Variants in SYN3 observed in about 807,000 individuals in gnomAD.
SYN3 encodes synapsin III.
Under a neutral mutation model 65.8 loss-of-function variants are expected in SYN3, and 35 were observed. The ratio of observed to expected loss-of-function variants is 0.53; its 90% CI spans 0.41 to 0.70. SYN3 has a LOEUF of 0.70. Among genes scored for constraint, SYN3 ranks in the 30% least tolerant of loss-of-function variants. The pLI is 0.00. For synonymous variants in SYN3, 270 were observed against 292.9 expected (o/e 0.92, Z 0.80); for missense variants, 680 against 749.0 (o/e 0.91, Z 1.08).
At chr22:32,956,980 G>A (rs1485333447) in intron 3 of SYN3, among the ~76,000 whole-genome samples, 1 of 152,174 alleles carries the variant, frequency 6.6e-6, no homozygotes, top group African/African-American at 2.4e-5. Context: ...GAGCAAGACA[G>A]CCCGTGTGGA....
intron 6 of SYN3, among the ~76,000 whole-genome samples, chr22:32,781,064 C>T (rs1342396443): frequency 1.5e-4 from 4 of 26,596 alleles, no homozygotes; most frequent in South Asian, 2.2e-3. Context: ...TCCCTCCCTT[C>T]CTCCCTCCCT....
intron 6 of SYN3, among the ~76,000 whole-genome samples, chr22:32,809,362 G>A (rs865808879): frequency 2.0e-4 from 30 of 152,230 alleles, no homozygotes; most frequent in South Asian, 6.2e-4. Context: ...TGGGGTCCCC[G>A]TCAGTCTGCT....
chr22:32,806,742 T>C (rs1389522758), intron 6 of SYN3, among the ~76,000 whole-genome samples: 1 of 152,214 alleles, frequency 6.6e-6, no homozygotes, highest in Non-Finnish European at 1.5e-5. Flanking sequence ...TGTATGTATC[T>C]CTCTGTATAT....
At chr22:32,514,320 A>G (rs1281005405) in intron 13 of SYN3, 3 of 152,682 alleles carry the variant, frequency 2.0e-5, no homozygotes, top group Non-Finnish European at 4.4e-5. Flanking sequence ...TTGGGCAAGG[A>G]ACTTACCTTC....
intron 7 of SYN3, among the ~76,000 whole-genome samples, chr22:32,596,289 G>A (rs994981521): frequency 2.6e-5 from 4 of 152,126 alleles, no homozygotes; most frequent in Admixed American, 6.5e-5. Context: ...TTAGAGCAGC[G>A]TGAGAATGGA....
At chr22:32,941,079 T>G (rs892951645) in intron 3 of SYN3, among the ~76,000 whole-genome samples, 1 of 152,054 alleles carries the variant, frequency 6.6e-6, no homozygotes, top group African/African-American at 2.4e-5. Flanking sequence ...CTCAAAGACC[T>G]CCTCAACGAA....
chr22:32,613,204 TTTAA>T (rs1186454727), intron 6 of SYN3, among the ~76,000 whole-genome samples: 4 of 152,040 alleles, frequency 2.6e-5, no homozygotes, highest in Admixed American at 2.6e-4. Flanking sequence ...ATTAAAAAAT[TTTAA>T]TTAATTTTTT....
intron 1 of SYN3, among the ~76,000 whole-genome samples, chr22:33,032,488 G>C (rs1254414129): frequency 6.6e-6 from 1 of 151,026 alleles, no homozygotes; most frequent in Non-Finnish European, 1.5e-5. Context: ...CTGGGTGACA[G>C]AGCAAGACTC....
At chr22:32,746,630 G>T (rs1200370085) in intron 6 of SYN3, among the ~76,000 whole-genome samples, 2 of 152,146 alleles carry the variant, frequency 1.3e-5, no homozygotes, top group Non-Finnish European at 2.9e-5. Context: ...TCCAGCACAG[G>T]TACAGTGTCT....
At chr22:32,904,873 G>A (rs751335947) in intron 4 of SYN3, among the ~76,000 whole-genome samples, 1 of 152,136 alleles carries the variant, frequency 6.6e-6, no homozygotes, top group Non-Finnish European at 1.5e-5. Flanking sequence ...GTGTTGTAAG[G>A]CATTCTTTGC....
intron 6 of SYN3, among the ~76,000 whole-genome samples, chr22:32,646,554 T>G (rs903003601): frequency 2.0e-5 from 3 of 152,280 alleles, no homozygotes; most frequent in East Asian, 1.9e-4. Context: ...GATCTTTTTT[T>G]GGGGTAATAG....
chr22:32,986,287 C>T (rs753527340), intron 2 of SYN3, among the ~76,000 whole-genome samples: 3 of 152,180 alleles, frequency 2.0e-5, no homozygotes, highest in South Asian at 2.1e-4. Flanking sequence ...GGCCAACCTT[C>T]GCAACTGGCA....
At chr22:33,018,319 C>T (rs765796788) in intron 1 of SYN3, among the ~76,000 whole-genome samples, 9 of 152,210 alleles carry the variant, frequency 5.9e-5, no homozygotes, top group Middle Eastern at 3.4e-3. Context: ...AGACAAGGTG[C>T]GGATGAGAGG....
chr22:32,841,381 G>A lies in SYN3; in HGVS notation c.711+23534C>T, dbSNP rs148190500. Among the ~76,000 whole-genome samples the A allele has an allele frequency of 4.6e-5, 7 of 152,280 alleles. No individual in the cohort carries two copies. In the East Asian group the frequency reaches 1.4e-3, roughly 30 times the overall value. On this transcript the variant is annotated intron_variant, in intron 6 of 13. Transcript: ENST00000358763. Reference sequence around the variant, plus strand: ...GGAATGTGCATGGATCAGGATCAGGGAAGGTCCCCCGCCCAAGTGAAGAAA... The same window carrying A: ...GGAATGTGCATGGATCAGGATCAGGAAAGGTCCCCCGCCCAAGTGAAGAAA...
At chr22:32,911,118 T>A (rs2050039899) in intron 4 of SYN3, among the ~76,000 whole-genome samples, 1 of 152,210 alleles carries the variant, frequency 6.6e-6, no homozygotes, top group Non-Finnish European at 1.5e-5. Flanking sequence ...TTGCTAATGA[T>A]GACTATAGTG....
chr22:32,736,164 C>G (rs1388160372), intron 6 of SYN3, among the ~76,000 whole-genome samples: 1 of 152,222 alleles, frequency 6.6e-6, no homozygotes, highest in East Asian at 1.9e-4. Context: ...ACATGAAATA[C>G]TAATGGACTA....
intron 6 of SYN3, among the ~76,000 whole-genome samples, chr22:32,617,166 G>A (rs16990851): frequency 0.095 from 14,462 of 152,208 alleles, 1,522 homozygotes; most frequent in African/African-American, 0.26. Flanking sequence ...CTTGTTAAAC[G>A]TGCACATTAA....
At chr22:32,559,370 TTAGAG>T (rs1358161749) in intron 7 of SYN3, among the ~76,000 whole-genome samples, 2 of 152,140 alleles carry the variant, frequency 1.3e-5, no homozygotes, top group Non-Finnish European at 2.9e-5. Flanking sequence ...AGTGCTACTG[TTAGAG>T]TAGCTAGTCA....
chr22:33,022,356 A>G (rs1282832063), intron 1 of SYN3, among the ~76,000 whole-genome samples: 1 of 152,268 alleles, frequency 6.6e-6, no homozygotes, highest in Admixed American at 6.5e-5. Context: ...GTGTCACTCC[A>G]GCTGCAAAGC....
Sources: allele counts gnomAD v4.1 joint callset (sites outside exome capture counted in the v4.1 genomes callset), GRCh38; gene constraint gnomAD v4.1.1; transcripts MANE v1.5; gene names NCBI Gene and HGNC (gene_info 2026-07-23, HGNC 2026-07-21).